The following ARL15 variants were observed in gnomAD, a reference collection of about 807,000 sequenced individuals.
ARL15 encodes ARF like GTPase 15.
A neutral mutation model predicts 25.2 loss-of-function variants in ARL15; 19 were observed. The ratio of observed to expected loss-of-function variants is 0.75; its 90% CI spans 0.53 to 1.10. The LOEUF is 1.10. ARL15 is among the 50% of genes least tolerant of loss of function. The pLI, the probability that ARL15 is intolerant of heterozygous loss-of-function variation, is 0.00. For missense variants in ARL15, 220 were observed against 246.0 expected (o/e 0.89, Z 0.71); for synonymous variants, 94 against 86.8 (o/e 1.08, Z -0.46).
At chr5:54,062,612 C>G (rs1751104930) in intron 4 of ARL15, among the ~76,000 whole-genome samples, 1 of 151,940 alleles carries the variant, frequency 6.6e-6, no homozygotes, top group Admixed American at 6.6e-5. Flanking sequence ...TCCTTGCCTT[C>G]TGCCATGATT....
At chr5:54,190,825 T>C (rs897439436) in intron 1 of ARL15, among the ~76,000 whole-genome samples, 1 of 152,152 alleles carries the variant, frequency 6.6e-6, no homozygotes, top group South Asian at 2.1e-4. Flanking sequence ...GGCAAGGATA[T>C]GGAGAAATTA....
At chr5:54,030,989 G>C (rs1473922204) in intron 4 of ARL15, among the ~76,000 whole-genome samples, 1 of 152,158 alleles carries the variant, frequency 6.6e-6, no homozygotes, top group African/African-American at 2.4e-5. Context: ...CACTGTAAAT[G>C]CAAGTAGCAC....
chr5:54,030,651 G>C (rs886973309), intron 4 of ARL15, among the ~76,000 whole-genome samples: 2 of 152,264 alleles, frequency 1.3e-5, no homozygotes, highest in Non-Finnish European at 2.9e-5. Flanking sequence ...CAAGAACAGA[G>C]AGAGAACCAG....
chr5:54,014,380 C>G (rs142603650), intron 4 of ARL15, among the ~76,000 whole-genome samples: 9 of 152,280 alleles, frequency 5.9e-5, no homozygotes, highest in Non-Finnish European at 8.8e-5. Flanking sequence ...GTAAGGACAC[C>G]TGAGCAGACC....
At chr5:54,175,904 G>A (rs1367657155) in intron 1 of ARL15, among the ~76,000 whole-genome samples, 8 of 151,658 alleles carry the variant, frequency 5.3e-5, no homozygotes, top group Non-Finnish European at 8.8e-5. Context: ...CACTCACCCC[G>A]GCTGCCCAAA....
intron 3 of ARL15, among the ~76,000 whole-genome samples, chr5:54,129,370 C>T (rs1753364112): frequency 1.3e-5 from 2 of 152,204 alleles, no homozygotes; most frequent in Middle Eastern, 3.4e-3. Flanking sequence ...TTTCTTGGCT[C>T]CCTATTCAGA....
chr5:54,102,612 G>C (rs1752473689), intron 4 of ARL15, among the ~76,000 whole-genome samples: 1 of 152,056 alleles, frequency 6.6e-6, no homozygotes, highest in Admixed American at 6.6e-5. Context: ...TGATGAGAGA[G>C]CATCTTTCTT....
At chr5:54,288,086 G>C (rs1234028300) in intron 1 of ARL15, among the ~76,000 whole-genome samples, 1 of 145,658 alleles carries the variant, frequency 6.9e-6, no homozygotes, top group Non-Finnish European at 1.5e-5. Context: ...ATACAAAAAA[G>C]AAAAGCTACA....
At chr5:53,977,379 C>A (rs367573889) in intron 4 of ARL15, among the ~76,000 whole-genome samples, 104 of 146,678 alleles carry the variant, frequency 7.1e-4, no homozygotes, top group African/African-American at 2.5e-3. Flanking sequence ...AAAAAAAATT[C>A]CCACTAATAG....
chr5:54,179,303 A>G (rs1754978105), intron 1 of ARL15, among the ~76,000 whole-genome samples: 1 of 152,180 alleles, frequency 6.6e-6, no homozygotes, highest in African/African-American at 2.4e-5. Flanking sequence ...GCCCTAGTTC[A>G]TGCCCTCAAG....
At chr5:54,220,221 G>A (rs1756332867) in intron 1 of ARL15, among the ~76,000 whole-genome samples, 1 of 152,102 alleles carries the variant, frequency 6.6e-6, no homozygotes, top group Admixed American at 6.6e-5. Flanking sequence ...CTTGTGGTTG[G>A]CAGATGTGGA....
Position 53,903,145 on chromosome 5 carries a change from G to C in ARL15, c.463-16432C>G, listed in dbSNP as rs10471881. Among the ~76,000 whole-genome samples, 848 of 152,284 alleles carry C rather than the reference G, an allele frequency of 5.6e-3. 7 individuals carry two copies. Among genetic ancestry groups the C allele is most frequent in the African/African-American group, 0.02 (822 of 41,558 alleles). Reference sequence around the variant, plus strand: ...TCCCACACAGGACTAGTTGAGCTCAGTACAAAGCCTGTGAAAGACATGTCT... The same window carrying C: ...TCCCACACAGGACTAGTTGAGCTCACTACAAAGCCTGTGAAAGACATGTCT... On this transcript the variant is annotated intron_variant, in intron 4 of 4. Coordinates refer to ENST00000504924, the MANE Select transcript of ARL15 (RefSeq NM_019087.3).
At chr5:53,887,499 A>G in intron 4 of ARL15, 1 of 622,628 alleles carries the variant, frequency 1.6e-6, no homozygotes, top group Non-Finnish European at 2.9e-6. Context: ...AACGGCATTT[A>G]GTATTACCAA....
At chr5:53,940,229 T>A (rs943553530) in intron 4 of ARL15, among the ~76,000 whole-genome samples, 1 of 152,114 alleles carries the variant, frequency 6.6e-6, no homozygotes, top group African/African-American at 2.4e-5. Flanking sequence ...CACCTTGGCC[T>A]CCCAAAGTGC....
intron 1 of ARL15, among the ~76,000 whole-genome samples, chr5:54,289,396 G>A (rs1475278539): frequency 6.6e-6 from 1 of 151,852 alleles, no homozygotes; most frequent in East Asian, 1.9e-4. Context: ...TGCAGGAGAG[G>A]GTGGATTTCC....
chr5:53,966,517 T>C (rs1302299868), intron 4 of ARL15, among the ~76,000 whole-genome samples: 1 of 152,214 alleles, frequency 6.6e-6, no homozygotes, highest in African/African-American at 2.4e-5. Context: ...CAGAAATTCT[T>C]GAGACCTGGA....
At chr5:54,232,025 G>A (rs528208889) in intron 1 of ARL15, among the ~76,000 whole-genome samples, 62 of 152,264 alleles carry the variant, frequency 4.1e-4, no homozygotes, top group Non-Finnish European at 7.6e-4. Flanking sequence ...CTCATGTGCT[G>A]TCTCTAAATC....
chr5:53,998,781 C>A lies in ARL15; in HGVS notation c.463-112068G>T, dbSNP rs903603583. Among the ~76,000 whole-genome samples the A allele has an allele frequency of 2.6e-5, 4 of 152,220 alleles. No homozygotes were observed. The East Asian group carries it at 7.7e-4, about 29-fold the overall frequency. ...ATGCAGCAGTTACAAAATGAAAAGG[C>A]CTGGTCCCTGCTTATGGTCTAAAAA... is the stretch of plus-strand genomic sequence containing the variant. On this transcript the variant is annotated intron_variant, in intron 4 of 4. Transcript: ENST00000504924.
In ARL15 at chr5:54,136,717, AAAC is replaced by A. The variant is rs1753616277; in HGVS notation, c.253+17860_253+17862del. 2.6e-5 allele frequency among the ~76,000 whole-genome samples: 4 copies of A among 152,322 alleles called. No individual in the cohort carries two copies. The South Asian group carries it at 8.3e-4, about 32-fold the overall frequency. ...TAAACAAAACTCACAGCCTGCTCTT[AAAC>A]AACGAACACATCATAAAAAATAATT... On this transcript the variant is annotated intron_variant, in intron 3 of 4. Transcript: ENST00000504924.
Sources: allele counts gnomAD v4.1 joint callset (sites outside exome capture counted in the v4.1 genomes callset), GRCh38; gene constraint gnomAD v4.1.1; transcripts MANE v1.5; gene names NCBI Gene and HGNC (gene_info 2026-07-23, HGNC 2026-07-21).